Variants in PTPRD observed in about 807,000 individuals in gnomAD.
PTPRD encodes the protein receptor-type tyrosine-protein phosphatase delta.
PTPRD carries 34 observed loss-of-function variants against 214.5 expected under a neutral mutation model. The observed-to-expected ratio is 0.16, with a 90% CI of 0.12 to 0.21. The LOEUF is 0.21. Among genes scored for constraint, PTPRD ranks in the 10% least tolerant of loss-of-function variants. PTPRD has a pLI of 1.00. For missense variants in PTPRD, 2,545 were observed against 2,398.7 expected, an observed-to-expected ratio of 1.06 and a Z score of -1.27; for synonymous variants, 1,128 against 845.7, an observed-to-expected ratio of 1.33 and a Z score of -5.79.
intron 8 of PTPRD, among the ~76,000 whole-genome samples, chr9:9,573,405 T>C (rs1371033361): frequency 2.0e-5 from 3 of 150,348 alleles, no homozygotes; most frequent in African/African-American, 4.9e-5. Flanking sequence ...AGTACTCTAA[T>C]GTTCTTTTTT....
At chr9:9,017,180 C>A (rs1028240861) in intron 11 of PTPRD, among the ~76,000 whole-genome samples, 1 of 152,078 alleles carries the variant, frequency 6.6e-6, no homozygotes, top group Non-Finnish European at 1.5e-5. Context: ...AACCCATGAA[C>A]AACAGCAACA....
At chr9:9,177,282 C>T (rs1255046768) in intron 10 of PTPRD, among the ~76,000 whole-genome samples, 1 of 151,940 alleles carries the variant, frequency 6.6e-6, no homozygotes, top group African/African-American at 2.4e-5. Context: ...GAAACTGCCC[C>T]CATGATTCAA....
chr9:9,676,049 G>C (rs529133300), intron 7 of PTPRD, among the ~76,000 whole-genome samples: 3 of 152,066 alleles, frequency 2.0e-5, no homozygotes, highest in Non-Finnish European at 4.4e-5. Flanking sequence ...AACAGATTAA[G>C]TAATAAAATG....
chr9:9,999,850 A>G (rs1430675791), intron 4 of PTPRD, among the ~76,000 whole-genome samples: 1 of 152,202 alleles, frequency 6.6e-6, no homozygotes, highest in Non-Finnish European at 1.5e-5. Flanking sequence ...TAAGCTATGA[A>G]AAGGTTATAG....
At chr9:10,348,896 A>C (rs1009671419) in intron 2 of PTPRD, among the ~76,000 whole-genome samples, 1 of 152,070 alleles carries the variant, frequency 6.6e-6, no homozygotes, top group African/African-American at 2.4e-5. Context: ...GCCCACAAGT[A>C]AACTCCTTGT....
intron 11 of PTPRD, among the ~76,000 whole-genome samples, chr9:8,855,920 T>C (rs1173740948): frequency 6.6e-6 from 1 of 152,140 alleles, no homozygotes; most frequent in African/African-American, 2.4e-5. Context: ...ACTTTGAAAG[T>C]ACAATAATAG....
chr9:10,255,853 C>A (rs1051710642), intron 3 of PTPRD, among the ~76,000 whole-genome samples: 2 of 152,092 alleles, frequency 1.3e-5, no homozygotes, highest in South Asian at 2.1e-4. Flanking sequence ...AACTAAGACA[C>A]AAACACACAT....
chr9:9,367,172 T>G (rs1415065827), intron 9 of PTPRD, among the ~76,000 whole-genome samples: 1 of 151,512 alleles, frequency 6.6e-6, no homozygotes, highest in Non-Finnish European at 1.5e-5. Flanking sequence ...ATGCTAAAAT[T>G]TATATTCTGA....
At chr9:9,488,781 T>C (rs1028376689) in intron 8 of PTPRD, among the ~76,000 whole-genome samples, 2 of 152,144 alleles carry the variant, frequency 1.3e-5, no homozygotes, top group Non-Finnish European at 2.9e-5. Flanking sequence ...TGAATTTCAA[T>C]GCTCAGCACA....
At chr9:8,850,217 T>C (rs1397107477) in intron 11 of PTPRD, among the ~76,000 whole-genome samples, 2 of 152,074 alleles carry the variant, frequency 1.3e-5, no homozygotes, top group Non-Finnish European at 2.9e-5. Flanking sequence ...GAAATGCACG[T>C]CTGGAACTCC....
intron 9 of PTPRD, among the ~76,000 whole-genome samples, chr9:9,364,371 G>A (rs2057248761): frequency 6.6e-6 from 1 of 151,434 alleles, no homozygotes; most frequent in African/African-American, 2.4e-5. Context: ...AGACACATAT[G>A]GCAAAGAGAA....
At chr9:9,510,727 A>C (rs1233861557) in intron 8 of PTPRD, among the ~76,000 whole-genome samples, 2 of 151,086 alleles carry the variant, frequency 1.3e-5, no homozygotes, top group Non-Finnish European at 3.0e-5. Flanking sequence ...CCTCACCATG[A>C]TCTCTTCAGG....
intron 10 of PTPRD, among the ~76,000 whole-genome samples, chr9:9,021,924 G>A (rs2099571162): frequency 6.6e-6 from 1 of 151,420 alleles, no homozygotes; most frequent in African/African-American, 2.4e-5. Context: ...AGCTTACAAT[G>A]AGAACACGTG....
chr9:8,421,413 TGTATTAATTCCA>T (rs1376888416), intron 35 of PTPRD, among the ~76,000 whole-genome samples: 1 of 147,908 alleles, frequency 6.8e-6, no homozygotes, highest in Non-Finnish European at 1.5e-5. Flanking sequence ...AACTTATGCA[TGTATTAATTCCA>T]GAAAATTTTA....
chr9:10,333,282 G>A (rs1049089706), intron 3 of PTPRD, among the ~76,000 whole-genome samples: 2 of 151,792 alleles, frequency 1.3e-5, no homozygotes, highest in Non-Finnish European at 2.9e-5. Flanking sequence ...AGTCACCCAG[G>A]AACAACCACA....
chr9:9,588,319 A>G (rs949427200), intron 7 of PTPRD, among the ~76,000 whole-genome samples: 1 of 151,902 alleles, frequency 6.6e-6, no homozygotes, highest in African/African-American at 2.4e-5. Context: ...TATTCATGGC[A>G]ATGTTTGCTT....
At chr9:9,091,324 T>A (rs942314108) in intron 10 of PTPRD, 23 of 892,072 alleles carry the variant, frequency 2.6e-5, no homozygotes, top group Admixed American at 1.7e-4. Flanking sequence ...AAAAAAAAAA[T>A]TTCTTTAAAT....
rs542124467 is a variant in PTPRD at position 9,076,489 on chromosome 9, C to G, written c.-142-57754G>C. ...CCTCTGGTAAGTATCATTCTACTCGCTATCTCCATGAGTTCAATTATTTTC... is the reference window on the plus strand; with the variant it reads ...CCTCTGGTAAGTATCATTCTACTCGGTATCTCCATGAGTTCAATTATTTTC... On this transcript the variant is annotated intron_variant, in intron 10 of 45. Transcript: ENST00000381196. Among the ~76,000 whole-genome samples, 3 of 152,186 alleles carry G rather than the reference C, an allele frequency of 2.0e-5. No homozygotes were observed. The East Asian group carries it at 5.8e-4, about 29-fold the overall frequency.
At chr9:10,088,657 G>A (rs193050980) in intron 3 of PTPRD, among the ~76,000 whole-genome samples, 20 of 151,842 alleles carry the variant, frequency 1.3e-4, no homozygotes, top group African/African-American at 4.3e-4. Flanking sequence ...TATTACTGAC[G>A]TTTAGCAAAA....
Sources: gnomAD v4.1 joint callset for allele counts (sites outside exome capture counted in the v4.1 genomes callset) on GRCh38, gnomAD v4.1.1 for gene constraint, MANE v1.5 for transcripts, NCBI Gene and HGNC (gene_info 2026-07-23, HGNC 2026-07-21) for gene names.